The following SCAPER variants were observed in gnomAD, a reference collection of about 807,000 sequenced individuals.
The protein encoded by SCAPER is S phase cyclin A-associated protein in the endoplasmic reticulum.
Under a neutral mutation model 182.2 loss-of-function variants are expected in SCAPER, and 98 were observed. That is an observed-to-expected ratio of 0.54 (90% CI 0.46 to 0.64). SCAPER has a LOEUF of 0.64. Among genes scored for constraint, SCAPER ranks in the 30% least tolerant of loss-of-function variants. The pLI is 0.00. For missense variants in SCAPER, 1,432 were observed against 1,690.0 expected, an observed-to-expected ratio of 0.85 and a Z score of 2.68; for synonymous variants, 605 against 564.6, an observed-to-expected ratio of 1.07 and a Z score of -1.01.
chr15:76,805,681 C>T (rs540317895), intron 5 of SCAPER, among the ~76,000 whole-genome samples: 34 of 151,538 alleles, frequency 2.2e-4, no homozygotes, highest in African/African-American at 8.2e-4. Flanking sequence ...GATTCTCCTG[C>T]CTCAGCCTCC....
At chr15:76,904,784 G>C (rs1044098384) in intron 1 of SCAPER, 2 of 152,238 alleles carry the variant, frequency 1.3e-5, no homozygotes, top group African/African-American at 4.8e-5. Flanking sequence ...CCCGTTTCCT[G>C]GGCAGAGCTA....
At chr15:76,816,091 G>A (rs1598890718) in intron 5 of SCAPER, among the ~76,000 whole-genome samples, 1 of 152,198 alleles carries the variant, frequency 6.6e-6, no homozygotes, top group African/African-American at 2.4e-5. Flanking sequence ...GAGTAAAGGA[G>A]AGAATGGTAA....
Position 76,609,118 on chromosome 15 carries a change from T to C in SCAPER, c.2711+12646A>G, listed in dbSNP as rs935653504. On this transcript the variant is annotated intron_variant, in intron 22 of 31. Coordinates refer to ENST00000563290, the MANE Select transcript of SCAPER (RefSeq NM_020843.4). Reference sequence around the variant, plus strand: ...AATCATCCGTCTTCTGCGTCGCTCATGCTGGTAGCTGTAGACTGGAGCTGT... The same window carrying C: ...AATCATCCGTCTTCTGCGTCGCTCACGCTGGTAGCTGTAGACTGGAGCTGT... 3.3e-5 allele frequency among the ~76,000 whole-genome samples: 5 copies of C among 152,210 alleles called. No individual in the cohort carries two copies. In the South Asian group the frequency reaches 8.3e-4, roughly 25 times the overall value.
At chr15:76,373,893 CTTA>C (rs1481705833) in intron 29 of SCAPER, among the ~76,000 whole-genome samples, 1 of 151,118 alleles carries the variant, frequency 6.6e-6, no homozygotes, top group Admixed American at 6.6e-5. Flanking sequence ...TTGGGCCTGC[CTTA>C]TTTTTTTTTT....
At chr15:76,552,646 C>G (rs1463640211) in intron 23 of SCAPER, among the ~76,000 whole-genome samples, 1 of 152,164 alleles carries the variant, frequency 6.6e-6, no homozygotes, top group East Asian at 1.9e-4. Flanking sequence ...GACAGCTGCA[C>G]AGAAAAGTAG....
chr15:76,869,705 A>G (rs892716370), intron 2 of SCAPER, among the ~76,000 whole-genome samples: 1 of 152,036 alleles, frequency 6.6e-6, no homozygotes, highest in South Asian at 2.1e-4. Context: ...AAAGTTCCCC[A>G]AAAAAACTAA....
chr15:76,649,686 A>T (rs2054855973), intron 21 of SCAPER, among the ~76,000 whole-genome samples: 2 of 142,698 alleles, frequency 1.4e-5, no homozygotes, highest in Non-Finnish European at 3.1e-5. Context: ...TGCTGATCAG[A>T]AACAACCAAA....
At chr15:76,765,205 T>C in intron 13 of SCAPER, 132 bp downstream of exon 13, 1 of 1,011,274 alleles carries the variant, frequency 9.9e-7, no homozygotes, top group Non-Finnish European at 1.4e-6. Context: ...AAAGCTTTGT[T>C]ACTTTTCAAT....
intron 8 of SCAPER, among the ~76,000 whole-genome samples, chr15:76,780,279 C>T (rs980265130): frequency 3.9e-5 from 6 of 152,350 alleles, no homozygotes; most frequent in South Asian, 2.1e-4. Flanking sequence ...TCACTGCTAG[C>T]GCAGCAGTCT....
chr15:76,827,307 AAAATACGTCTCCACTTG>A (rs1729156170), intron 5 of SCAPER, among the ~76,000 whole-genome samples: 1 of 152,164 alleles, frequency 6.6e-6, no homozygotes, highest in Non-Finnish European at 1.5e-5. Flanking sequence ...TCATTTTTTA[AAAATACGTCTCCACTTG>A]GAATCCCATA....
chr15:76,806,613 T>C (rs763820458), intron 5 of SCAPER, among the ~76,000 whole-genome samples: 5 of 152,220 alleles, frequency 3.3e-5, no homozygotes, highest in African/African-American at 9.6e-5. Flanking sequence ...AGGTATTGCA[T>C]TGAATCTGGG....
intron 10 of SCAPER, among the ~76,000 whole-genome samples, chr15:76,768,623 AC>A (rs1338040602): frequency 6.6e-6 from 1 of 152,038 alleles, no homozygotes; most frequent in Non-Finnish European, 1.5e-5. Flanking sequence ...ATACTAAAAA[AC>A]AACAGTAAAC....
intron 25 of SCAPER, among the ~76,000 whole-genome samples, chr15:76,463,756 C>T (rs2049368078): frequency 6.6e-6 from 1 of 151,954 alleles, no homozygotes; most frequent in African/African-American, 2.4e-5. Context: ...AAATTAAAGT[C>T]ACAAAATTGT....
At chr15:76,555,414 C>T (rs2046119137) in intron 23 of SCAPER, among the ~76,000 whole-genome samples, 1 of 152,090 alleles carries the variant, frequency 6.6e-6, no homozygotes, top group Non-Finnish European at 1.5e-5. Flanking sequence ...AGGCTACATG[C>T]CCCAATTAAA....
intron 14 of SCAPER, among the ~76,000 whole-genome samples, chr15:76,758,077 C>G (rs921187288): frequency 6.6e-6 from 1 of 151,890 alleles, no homozygotes; most frequent in African/African-American, 2.4e-5. Flanking sequence ...TTCATTTGCT[C>G]TATAGGTTTT....
intron 19 of SCAPER, among the ~76,000 whole-genome samples, 199 bp downstream of exon 19, chr15:76,702,651 G>A (rs1175691215): frequency 6.6e-6 from 1 of 152,090 alleles, no homozygotes; most frequent in Non-Finnish European, 1.5e-5. Context: ...GTTTCACCAT[G>A]TTGGAAAGGC....
At chr15:76,461,090 G>C (rs933742866) in intron 25 of SCAPER, among the ~76,000 whole-genome samples, 2 of 151,934 alleles carry the variant, frequency 1.3e-5, no homozygotes, top group South Asian at 4.1e-4. Context: ...AAATAGCTTT[G>C]GTTAGTTATT....
intron 14 of SCAPER, among the ~76,000 whole-genome samples, chr15:76,762,769 C>A (rs2062868482): frequency 1.3e-5 from 2 of 152,174 alleles, no homozygotes; most frequent in Non-Finnish European, 2.9e-5. Flanking sequence ...CTGCATCAGC[C>A]TCCCAGGTAG....
chr15:76,352,042 G>A (rs1301121424), intron 30 of SCAPER, among the ~76,000 whole-genome samples: 1 of 152,124 alleles, frequency 6.6e-6, no homozygotes, highest in African/African-American at 2.4e-5. Flanking sequence ...GATATCATTT[G>A]TATCATTATA....
Sources: allele counts gnomAD v4.1 joint callset (sites outside exome capture counted in the v4.1 genomes callset), GRCh38; gene constraint gnomAD v4.1.1; transcripts MANE v1.5; gene names NCBI Gene and HGNC (gene_info 2026-07-23, HGNC 2026-07-21).